CTNNBIP1: variants seen among roughly 807,000 people sequenced by gnomAD.
CTNNBIP1 encodes the protein catenin beta interacting protein 1, also known as beta-catenin-interacting protein 1.
A neutral mutation model predicts 11.8 loss-of-function variants in CTNNBIP1; 7 were observed. That is an observed-to-expected ratio of 0.60 (90% CI 0.34 to 1.12). CTNNBIP1 has a LOEUF of 1.12. Ranked by LOEUF, CTNNBIP1 falls within the 50% of genes most tolerant of loss-of-function variation. CTNNBIP1 has a pLI of 0.03. For synonymous variants in CTNNBIP1, 58 were observed against 43.9 expected (o/e 1.32, Z -1.26); for missense variants, 101 against 113.4 (o/e 0.89, Z 0.50).
At chr1:9,861,083 G>A (rs1307421562) in intron 5 of CTNNBIP1, among the ~76,000 whole-genome samples, 1 of 152,210 alleles carries the variant, frequency 6.6e-6, no homozygotes, top group East Asian at 1.9e-4. Context: ...GCTCCCAAGT[G>A]TCCAGGACAA....
chr1:9,881,109 C>G (rs1178245938), intron 2 of CTNNBIP1, among the ~76,000 whole-genome samples: 3 of 152,058 alleles, frequency 2.0e-5, no homozygotes, highest in Non-Finnish European at 2.9e-5. Context: ...AATCATGGCT[C>G]ACTGCAGCCT....
intron 1 of CTNNBIP1, among the ~76,000 whole-genome samples, chr1:9,905,181 G>A (rs552738263): frequency 3.3e-5 from 5 of 152,114 alleles, no homozygotes; most frequent in Non-Finnish European, 7.4e-5. Context: ...GAATTCAAAA[G>A]TAAAATCCAA....
At chr1:9,894,860 C>T (rs1639377000) in intron 1 of CTNNBIP1, among the ~76,000 whole-genome samples, 1 of 151,666 alleles carries the variant, frequency 6.6e-6, no homozygotes, top group African/African-American at 2.4e-5. Flanking sequence ...CCTGCCTCAG[C>T]CTCCTGACTA....
rs1570552045 is a variant in CTNNBIP1, at chr1:9,851,142, T to C, written c.188-366A>G. Among the ~76,000 whole-genome samples the C allele has an allele frequency of 6.6e-6, 1 of 152,312 alleles. No homozygotes were observed. Among genetic ancestry groups the C allele is most frequent in the Admixed American group, 6.5e-5 (1 of 15,296 alleles). The stretch of plus-strand genomic sequence containing the variant: ...CCAAAGCCAGAGGCGGGGTGGCCCT[T>C]GGGAACCTCCCTCTTTCTTCTCAAG... On this transcript the variant is annotated intron_variant, in intron 5 of 5. Transcript: ENST00000377263. This position sits in a 1 kb window ranked among gnomAD's most constrained non-coding sequence, Gnocchi z 4.8.
At chr1:9,908,128 G>A (rs1412579833) in intron 1 of CTNNBIP1, among the ~76,000 whole-genome samples, 3 of 152,056 alleles carry the variant, frequency 2.0e-5, no homozygotes, top group Non-Finnish European at 2.9e-5. Context: ...GCGCAATCTC[G>A]GCTCACCGCA....
chr1:9,901,649 T>A (rs1197865535), intron 1 of CTNNBIP1, among the ~76,000 whole-genome samples: 1 of 152,076 alleles, frequency 6.6e-6, no homozygotes, highest in Non-Finnish European at 1.5e-5. Context: ...GCTCTCCATG[T>A]GGGAGAGGAT....
At chr1:9,903,258 A>G (rs1414150056) in intron 1 of CTNNBIP1, among the ~76,000 whole-genome samples, 1 of 152,188 alleles carries the variant, frequency 6.6e-6, no homozygotes, top group Non-Finnish European at 1.5e-5. Flanking sequence ...CTTATAAAAA[A>G]CATCAGAACC....
chr1:9,853,048 G>C (rs1175121574), intron 5 of CTNNBIP1, among the ~76,000 whole-genome samples: 2 of 152,294 alleles, frequency 1.3e-5, no homozygotes, highest in East Asian at 3.9e-4. Flanking sequence ...CAAGACACTT[G>C]AAGCAAAGGA....
At position 9,851,941 on chromosome 1, in the gene CTNNBIP1, C is replaced by A. The variant is rs571912704; in HGVS notation, c.188-1165G>T. Among the ~76,000 whole-genome samples, 1 of 152,304 alleles carries A rather than the reference C, an allele frequency of 6.6e-6. No homozygotes were observed. The highest frequency in any genetic ancestry group is 2.1e-4 in the South Asian group (1 of 4,830). On this transcript the variant is annotated intron_variant, in intron 5 of 5. Coordinates refer to ENST00000377263, the MANE Select transcript of CTNNBIP1 (RefSeq NM_020248.3). The surrounding 1 kb of genome is among the most constrained non-coding windows in gnomAD (Gnocchi z 4.8). The stretch of plus-strand genomic sequence containing the variant: ...TGACCCTGTCCTGCTGCTCTCACCC[C>A]CTTTGTAAAAGGCCAGATCTTCACT...
intron 5 of CTNNBIP1, among the ~76,000 whole-genome samples, chr1:9,860,759 C>G (rs745958358): frequency 6.6e-6 from 1 of 152,114 alleles, no homozygotes; most frequent in Non-Finnish European, 1.5e-5. Flanking sequence ...TCCTTGCTGG[C>G]CAGAACTTCC....
intron 5 of CTNNBIP1, among the ~76,000 whole-genome samples, chr1:9,862,681 C>G (rs748535152): frequency 6.6e-6 from 1 of 152,206 alleles, no homozygotes; most frequent in Non-Finnish European, 1.5e-5. Flanking sequence ...TTTCTCTACA[C>G]GCACATCCGC....
At position 9,850,507 on chromosome 1, in the gene CTNNBIP1, T is replaced by C. The variant is rs1050886588; in HGVS notation, c.*211A>G. 1.6e-5 allele frequency: 8 copies of C among 492,686 alleles called. No homozygotes were observed. The highest frequency in any genetic ancestry group is 1.6e-4 in the African/African-American group (8 of 51,142). The allele number at this position is 492,686 out of a possible 1,614,324, so 30.5% of individuals were successfully genotyped here. The stretch of plus-strand genomic sequence containing the variant: ...GTTTCTTCCTGCAGCCAATCACAAG[T>C]CCATCCCTTTAAGCCAATTATAAAC... On this transcript the variant is annotated 3_prime_UTR_variant, in exon 6 of 6. Transcript: ENST00000377263.
intron 1 of CTNNBIP1, among the ~76,000 whole-genome samples, chr1:9,894,575 T>G (rs996496971): frequency 6.6e-6 from 1 of 152,046 alleles, no homozygotes; most frequent in Non-Finnish European, 1.5e-5. Flanking sequence ...TCACCCAGGC[T>G]GGAGTGTAGT....
At chr1:9,878,427 T>G (rs1428677580) in intron 2 of CTNNBIP1, among the ~76,000 whole-genome samples, 1 of 152,148 alleles carries the variant, frequency 6.6e-6, no homozygotes, top group African/African-American at 2.4e-5. Context: ...CACAGGTAGC[T>G]CAGCACCCCG....
intron 5 of CTNNBIP1, among the ~76,000 whole-genome samples, chr1:9,859,731 C>T (rs1362266652): frequency 6.6e-6 from 1 of 152,198 alleles, no homozygotes; most frequent in East Asian, 1.9e-4. Context: ...TTCTAAAGCC[C>T]CAAGGCCAAT....
At chr1:9,896,001 C>T (rs1038983720) in intron 1 of CTNNBIP1, among the ~76,000 whole-genome samples, 5 of 152,186 alleles carry the variant, frequency 3.3e-5, no homozygotes, top group African/African-American at 1.2e-4. Context: ...CCAATTCCCC[C>T]TCCCCCTCAA....
chr1:9,898,681 C>T (rs1318642058), intron 1 of CTNNBIP1, among the ~76,000 whole-genome samples: 1 of 152,068 alleles, frequency 6.6e-6, no homozygotes, highest in East Asian at 1.9e-4. Context: ...AAACAATACA[C>T]AGTTGTCCCT....
At chr1:9,860,609 T>C (rs564559191) in intron 5 of CTNNBIP1, among the ~76,000 whole-genome samples, 104 of 139,768 alleles carry the variant, frequency 7.4e-4, no homozygotes, top group Non-Finnish European at 1.3e-3. Context: ...AGAGCAAGAC[T>C]TCATCTCTCA....
chr1:9,882,222 C>G lies in CTNNBIP1; in HGVS notation c.-110+1483G>C, dbSNP rs1639097436. On this transcript the variant is annotated intron_variant, in intron 2 of 5. Coordinates refer to ENST00000377263, the MANE Select transcript of CTNNBIP1 (RefSeq NM_020248.3). Reference sequence around the variant, plus strand: ...TTGCTGGTAGAGAGAAAGGGGAAGGCACAAGACACAGAAGTTCAGCGAACA... The same window carrying G: ...TTGCTGGTAGAGAGAAAGGGGAAGGGACAAGACACAGAAGTTCAGCGAACA... Among the ~76,000 whole-genome samples, 16 of 152,126 alleles carry G rather than the reference C, an allele frequency of 1.1e-4. 1 individual carries two copies. The highest frequency in any genetic ancestry group is 1.0e-3 in the Admixed American group (16 of 15,268).
Sources: allele counts gnomAD v4.1 joint callset (sites outside exome capture counted in the v4.1 genomes callset), GRCh38; gene constraint gnomAD v4.1.1; non-coding constraint Gnocchi (gnomAD v3.1); transcripts MANE v1.5; gene names NCBI Gene and HGNC (gene_info 2026-07-23, HGNC 2026-07-21).